Variants in ARHGAP44 observed in about 807,000 individuals in gnomAD.
The protein encoded by ARHGAP44 is Rho GTPase activating protein 44, also known as rho GTPase-activating protein 44.
ARHGAP44 carries 43 observed loss-of-function variants against 106.8 expected under a neutral mutation model. The ratio of observed to expected loss-of-function variants is 0.40; its 90% CI spans 0.32 to 0.52. ARHGAP44 has a LOEUF of 0.52. Among genes scored for constraint, ARHGAP44 ranks in the 20% least tolerant of loss-of-function variants. ARHGAP44 has a pLI of 0.48. For synonymous variants in ARHGAP44, 439 were observed against 410.3 expected (o/e 1.07, Z -0.85); for missense variants, 866 against 1,050.5 (o/e 0.82, Z 2.43).
chr17:12,802,484 T>A (rs2034123190), intron 1 of ARHGAP44, among the ~76,000 whole-genome samples: 1 of 152,066 alleles, frequency 6.6e-6, no homozygotes, highest in African/African-American at 2.4e-5. Context: ...GTTCGTTAAG[T>A]CCGATCTTCA....
intron 1 of ARHGAP44, among the ~76,000 whole-genome samples, chr17:12,874,804 AC>A (rs139125401): frequency 0.15 from 22,698 of 151,908 alleles, 1,914 homozygotes; most frequent in Middle Eastern, 0.22. Context: ...AGTGCAGGAT[AC>A]TTGCTATGCC....
At chr17:12,973,636 T>G (rs1354602524) in intron 17 of ARHGAP44, 1 of 502,908 alleles carries the variant, frequency 2.0e-6, no homozygotes, top group Admixed American at 3.7e-5. Flanking sequence ...TCTCCTGCTG[T>G]CAGTTCCACG....
rs146701733 is a variant in ARHGAP44 at position 12,812,175 on chromosome 17, A to G, written c.53+22284A>G. Among the ~76,000 whole-genome samples the G allele has an allele frequency of 1.7e-3, 266 of 152,346 alleles. 1 individual carries two copies. The highest frequency in any genetic ancestry group is 5.8e-3 in the African/African-American group (240 of 41,576). Reference sequence around the variant, plus strand: ...ACCCTCGAGGGGCTTATATTCCAGTAGGAAAAATAAGATTTATAAACACAC... The same window carrying G: ...ACCCTCGAGGGGCTTATATTCCAGTGGGAAAAATAAGATTTATAAACACAC... On this transcript the variant is annotated intron_variant, in intron 1 of 20. Transcript: ENST00000379672.
rs2039605338 is a variant in ARHGAP44 at position 12,974,157 on chromosome 17, C to T, written c.1610C>T (p.Ser537Phe). The stretch of plus-strand genomic sequence containing the variant: ...GGCTCCTCGGCCGGTCGGAAAGTGT[C>T]CTGCGCCCCGCCCTCCATGCAGCCT... ...RRGSSAGRKV[S>F]CAPPSMQPPA... is the part of the protein sequence containing the mutation. Residue 537 changes from serine (S) to phenylalanine (F), a missense_variant, in exon 18 of 21, where the codon TCC becomes TTC. Transcript: ENST00000379672. 2 of 1,556,924 alleles carry T rather than the reference C, an allele frequency of 1.3e-6. No homozygotes were observed. Among genetic ancestry groups the T allele is most frequent in the Non-Finnish European group, 1.7e-6 (2 of 1,150,870 alleles).
intron 1 of ARHGAP44, among the ~76,000 whole-genome samples, chr17:12,878,965 G>A (rs1049965422): frequency 1.3e-5 from 2 of 152,144 alleles, no homozygotes; most frequent in African/African-American, 4.8e-5. Flanking sequence ...TGCAATACTT[G>A]TATCAGTAAT....
chr17:12,972,670 T>A (rs1201490994), intron 16 of ARHGAP44, among the ~76,000 whole-genome samples: 10 of 151,352 alleles, frequency 6.6e-5, no homozygotes, highest in Non-Finnish European at 1.3e-4. Flanking sequence ...TAAATATTTT[T>A]TTTTTTTTTG....
At chr17:12,940,035 G>T (rs561465103) in intron 7 of ARHGAP44, among the ~76,000 whole-genome samples, 3 of 152,344 alleles carry the variant, frequency 2.0e-5, no homozygotes, top group Admixed American at 2.0e-4. Context: ...GAGACTGAGG[G>T]TTATGGGGTT....
At chr17:12,973,493 G>A in intron 17 of ARHGAP44, 174 bp downstream of exon 17, 2 of 670,004 alleles carry the variant, frequency 3.0e-6, no homozygotes, top group South Asian at 1.9e-5. Context: ...GGGACCATAG[G>A]CACAAGCAGC....
At position 12,941,085 on chromosome 17, in the gene ARHGAP44, T is replaced by A. The variant is rs1178525988; in HGVS notation, c.612T>A (p.Phe204Leu). ...RDQLSADMYS[F>L]VAKEIDYANY... is the part of the protein sequence containing the mutation. ...AGCTCTCAGCTGATATGTACAGTTT[T>A]GTGGCCAAAGAAATTGACTATGCAA... Residue 204 changes from phenylalanine (F) to leucine (L), a missense_variant, in exon 8 of 21, where the codon TTT becomes TTA. Physicochemically the swap from Phe to Leu is conservative, Grantham distance 22 (BLOSUM62 0). Transcript: ENST00000379672. The A allele has an allele frequency of 6.2e-7, 1 of 1,613,934 alleles. No individual in the cohort carries two copies. Among genetic ancestry groups the A allele is most frequent in the African/African-American group, 1.3e-5 (1 of 74,938 alleles).
At position 12,987,261 on chromosome 17, in the gene ARHGAP44, C is replaced by T. The variant is rs2039984836; in HGVS notation, c.2317+2353C>T. ...CATGTGGCTCAGACCATTTGCATGG[C>T]AGCTTCACTCTCCAGCCTTCCCCGG... On this transcript the variant is annotated intron_variant, in intron 20 of 20. Transcript: ENST00000379672. The T allele has an allele frequency of 5.3e-6, 5 of 950,462 alleles. No homozygotes were observed. In the South Asian group the frequency reaches 7.4e-5, roughly 14 times the overall value. The allele number at this position is 950,462 out of a possible 1,614,324, so 58.9% of individuals were successfully genotyped here.
intron 1 of ARHGAP44, among the ~76,000 whole-genome samples, chr17:12,875,375 C>G (rs1375996832): frequency 6.6e-6 from 1 of 151,932 alleles, no homozygotes. Flanking sequence ...AGGAGGATTG[C>G]GTGAGCCCAG....
At chr17:12,985,789 T>C (rs1413015240) in intron 20 of ARHGAP44, 4 of 152,196 alleles carry the variant, frequency 2.6e-5, no homozygotes, top group Non-Finnish European at 5.9e-5. Context: ...ACCCACTTAG[T>C]AAAGTGCAGT....
chr17:12,907,498 G>C (rs2037589610), intron 3 of ARHGAP44, among the ~76,000 whole-genome samples: 1 of 152,100 alleles, frequency 6.6e-6, no homozygotes, highest in Non-Finnish European at 1.5e-5. Flanking sequence ...CTGCAGCCCT[G>C]TGACAAGCAC....
intron 1 of ARHGAP44, among the ~76,000 whole-genome samples, chr17:12,837,543 G>T (rs1397589482): frequency 1.3e-5 from 2 of 151,998 alleles, no homozygotes; most frequent in African/African-American, 4.8e-5. Flanking sequence ...GGAAGCAGTG[G>T]TCACTAGGAA....
chr17:12,791,303 A>T (rs2033748739), intron 1 of ARHGAP44, among the ~76,000 whole-genome samples: 1 of 152,234 alleles, frequency 6.6e-6, no homozygotes, highest in Non-Finnish European at 1.5e-5. Context: ...CCACAGATAT[A>T]GCCTCACGTG....
rs186164928 is a variant in ARHGAP44 at position 12,975,933 on chromosome 17, G to C, written c.1763+1623G>C. Among the ~76,000 whole-genome samples, 586 of 152,134 alleles carry C rather than the reference G, an allele frequency of 3.9e-3. 2 individuals carry two copies. The highest frequency in any genetic ancestry group is 0.013 in the African/African-American group (550 of 41,486). The stretch of plus-strand genomic sequence containing the variant: ...ACCCAGGGTGGCAGGGGAGGAGACA[G>C]TACCTGGCCCTTCCTTGAAAGGGGC... On this transcript the variant is annotated intron_variant, in intron 18 of 20. Coordinates refer to ENST00000379672, the MANE Select transcript of ARHGAP44 (RefSeq NM_014859.6).
chr17:12,915,080 C>T (rs529874457), intron 4 of ARHGAP44, among the ~76,000 whole-genome samples: 1 of 152,258 alleles, frequency 6.6e-6, no homozygotes, highest in East Asian at 1.9e-4. Flanking sequence ...GCTCTGTCAC[C>T]CCGGCTGGAG....
intron 1 of ARHGAP44, among the ~76,000 whole-genome samples, chr17:12,854,466 C>G (rs146432464): frequency 2.6e-5 from 4 of 152,174 alleles, no homozygotes; most frequent in Non-Finnish European, 5.9e-5. Context: ...ACATCATTTA[C>G]AACAGTGAAC....
chr17:12,844,480 G>T (rs1305847240), intron 1 of ARHGAP44, among the ~76,000 whole-genome samples: 1 of 152,112 alleles, frequency 6.6e-6, no homozygotes, highest in Non-Finnish European at 1.5e-5. Flanking sequence ...CTCTTACTAG[G>T]CCCCACCTTT....
Sources: allele counts gnomAD v4.1 joint callset (sites outside exome capture counted in the v4.1 genomes callset), GRCh38; gene constraint gnomAD v4.1.1; transcripts MANE v1.5; gene names NCBI Gene and HGNC (gene_info 2026-07-23, HGNC 2026-07-21).